The following CDH13 variants were observed in gnomAD, a reference collection of about 807,000 sequenced individuals.
The protein encoded by CDH13 is cadherin-13.
Under a neutral mutation model 63.8 loss-of-function variants are expected in CDH13, and 24 were observed. That is an observed-to-expected ratio of 0.38 (90% confidence interval 0.27 to 0.53). The LOEUF (loss-of-function observed/expected upper bound fraction) is 0.53. CDH13 is among the 20% of genes least tolerant of loss of function. The probability of loss-of-function intolerance (pLI) is 0.85; values close to 1 mark genes in which losing one functional copy is unlikely to be tolerated. For missense variants in CDH13, 1,049 were observed against 903.1 expected, an observed-to-expected ratio of 1.16 and a Z score of -2.07; for synonymous variants, 503 against 355.3, an observed-to-expected ratio of 1.42 and a Z score of -4.67.
intron 1 of CDH13, among the ~76,000 whole-genome samples, chr16:82,744,370 G>A (rs2151058862): frequency 6.6e-6 from 1 of 152,218 alleles, no homozygotes; most frequent in African/African-American, 2.4e-5. Flanking sequence ...CAGAGATAAT[G>A]AACCACAATA....
intron 13 of CDH13, among the ~76,000 whole-genome samples, chr16:83,785,847 G>A (rs969695303): frequency 6.6e-6 from 1 of 152,100 alleles, no homozygotes; most frequent in African/African-American, 2.4e-5. Context: ...CGAAGACACT[G>A]GGAAATCAGG....
intron 1 of CDH13, among the ~76,000 whole-genome samples, chr16:82,812,603 C>T (rs556197918): frequency 2.6e-4 from 40 of 152,096 alleles, no homozygotes; most frequent in African/African-American, 9.4e-4. Context: ...CATCTAGTGA[C>T]ACGGAGGGTG....
chr16:83,390,318 T>A (rs1264636558), intron 6 of CDH13, among the ~76,000 whole-genome samples: 4 of 152,134 alleles, frequency 2.6e-5, no homozygotes, highest in African/African-American at 9.7e-5. Context: ...GCATGCAGCA[T>A]CACTGAACAG....
At chr16:83,304,382 T>TA (rs2089825549) in intron 5 of CDH13, among the ~76,000 whole-genome samples, 2 of 152,126 alleles carry the variant, frequency 1.3e-5, no homozygotes, top group Non-Finnish European at 2.9e-5. Flanking sequence ...TGGGACCATA[T>TA]AGCTGGTTAA....
At chr16:83,645,131 G>T (rs1463208248) in intron 8 of CDH13, among the ~76,000 whole-genome samples, 1 of 152,156 alleles carries the variant, frequency 6.6e-6, no homozygotes, top group Admixed American at 6.5e-5. Flanking sequence ...CAATAGCAAG[G>T]TCATGGAACC....
At chr16:83,351,121 C>A (rs879867277) in intron 6 of CDH13, among the ~76,000 whole-genome samples, 2 of 152,112 alleles carry the variant, frequency 1.3e-5, no homozygotes, top group East Asian at 3.9e-4. Context: ...TTTCTGGTTA[C>A]TTTTTACTTG....
intron 1 of CDH13, among the ~76,000 whole-genome samples, chr16:82,714,921 T>G (rs1255306401): frequency 8.2e-6 from 1 of 121,968 alleles, no homozygotes; most frequent in East Asian, 2.3e-4. Context: ...GATTTCAGAC[T>G]TTTTGCCTCC....
intron 1 of CDH13, among the ~76,000 whole-genome samples, chr16:82,636,317 C>T (rs919566931): frequency 4.0e-5 from 6 of 151,718 alleles, no homozygotes; most frequent in South Asian, 2.1e-4. Flanking sequence ...GGCTGCAGAA[C>T]GTTCCTGGGA....
chr16:83,318,038 C>G (rs533823719), intron 5 of CDH13, among the ~76,000 whole-genome samples: 187 of 152,304 alleles, frequency 1.2e-3, no homozygotes, highest in African/African-American at 4.3e-3. Flanking sequence ...AAGCTGTAGT[C>G]AGCCTCAGTT....
intron 1 of CDH13, among the ~76,000 whole-genome samples, chr16:82,827,608 G>A (rs2254039): frequency 0.059 from 8,922 of 152,166 alleles, 358 homozygotes; most frequent in East Asian, 0.16. Flanking sequence ...ACTGGGCAAC[G>A]TCTGACCCCT....
chr16:83,425,061 A>G (rs912222063), intron 6 of CDH13, among the ~76,000 whole-genome samples: 1 of 152,198 alleles, frequency 6.6e-6, no homozygotes, highest in Non-Finnish European at 1.5e-5. Flanking sequence ...ATGCTATCAC[A>G]CCATAGCATG....
intron 2 of CDH13, among the ~76,000 whole-genome samples, chr16:82,895,552 A>G (rs1049470056): frequency 1.3e-5 from 2 of 152,190 alleles, no homozygotes; most frequent in Admixed American, 1.3e-4. Context: ...CATGCTTTAT[A>G]TCAGGGTTCA....
At chr16:83,461,989 G>C (rs1296786592) in intron 6 of CDH13, among the ~76,000 whole-genome samples, 1 of 152,222 alleles carries the variant, frequency 6.6e-6, no homozygotes, top group South Asian at 2.1e-4. Context: ...GTGCTGAAAG[G>C]TGGGCTCCAT....
chr16:83,089,488 C>G lies in CDH13; in HGVS notation c.367-35897C>G, dbSNP rs74033126. Among the ~76,000 whole-genome samples, 970 of 152,196 alleles carry G rather than the reference C, an allele frequency of 6.4e-3. 16 individuals carry two copies. Among genetic ancestry groups the G allele is most frequent in the African/African-American group, 0.022 (929 of 41,474 alleles). On this transcript the variant is annotated intron_variant, in intron 3 of 13. Coordinates refer to ENST00000567109, the MANE Select transcript of CDH13 (RefSeq NM_001257.5). ...CACCTGCCTTGCAGGCGTCAGGAATCTGAATCACACTCATTCCCTCCATCA... is the reference window on the plus strand; with the variant it reads ...CACCTGCCTTGCAGGCGTCAGGAATGTGAATCACACTCATTCCCTCCATCA...
At chr16:82,900,241 T>C (rs969066256) in intron 2 of CDH13, among the ~76,000 whole-genome samples, 1 of 152,206 alleles carries the variant, frequency 6.6e-6, no homozygotes, top group Non-Finnish European at 1.5e-5. Flanking sequence ...GTCCCAAGTA[T>C]AGCTGAGTGC....
chr16:83,184,619 G>C (rs1053184226), intron 4 of CDH13, among the ~76,000 whole-genome samples: 2 of 152,170 alleles, frequency 1.3e-5, no homozygotes, highest in African/African-American at 4.8e-5. Flanking sequence ...CCTGGGCATG[G>C]TGGTGCACGC....
At chr16:83,033,561 A>G (rs111365739) in intron 3 of CDH13, among the ~76,000 whole-genome samples, 111 of 152,224 alleles carry the variant, frequency 7.3e-4, no homozygotes, top group African/African-American at 2.5e-3. Context: ...TATCTGTATT[A>G]TATGTGTGTG....
At chr16:82,888,695 A>G (rs2040976772) in intron 2 of CDH13, among the ~76,000 whole-genome samples, 1 of 152,170 alleles carries the variant, frequency 6.6e-6, no homozygotes, top group African/African-American at 2.4e-5. Flanking sequence ...TCTGTTCCTG[A>G]ATGGGGATTA....
intron 10 of CDH13, among the ~76,000 whole-genome samples, chr16:83,690,330 A>G (rs1904726709): frequency 6.6e-6 from 1 of 152,160 alleles, no homozygotes; most frequent in South Asian, 2.1e-4. Context: ...CCATCACTCT[A>G]GATAGAGGGT....
Sources: allele counts gnomAD v4.1 joint callset (sites outside exome capture counted in the v4.1 genomes callset), GRCh38; gene constraint gnomAD v4.1.1; transcripts MANE v1.5; gene names NCBI Gene and HGNC (gene_info 2026-07-23, HGNC 2026-07-21).